DMXL1: variants seen among roughly 807,000 people sequenced by gnomAD.
The protein encoded by DMXL1 is dmX-like protein 1.
A neutral mutation model predicts 319.2 loss-of-function variants in DMXL1; 99 were observed. The ratio of observed to expected loss-of-function variants is 0.31; its 90% confidence interval spans 0.26 to 0.37. DMXL1 has a LOEUF of 0.37. Among genes scored for constraint, DMXL1 ranks in the 10% least tolerant of loss-of-function variants. DMXL1 has a pLI of 1.00. For synonymous variants in DMXL1, 1,385 were observed against 1,235.2 expected (o/e 1.12, Z -2.54); for missense variants, 3,745 against 3,595.6 (o/e 1.04, Z -1.06).
At chr5:119,106,176 C>T (rs192472096) in intron 4 of DMXL1, among the ~76,000 whole-genome samples, 4 of 152,300 alleles carry the variant, frequency 2.6e-5, no homozygotes, top group Non-Finnish European at 5.9e-5. Context: ...TTGTTCTCCT[C>T]CACATGGCCT....
chr5:119,108,058 T>A (rs898280329), intron 4 of DMXL1, among the ~76,000 whole-genome samples: 5 of 152,198 alleles, frequency 3.3e-5, no homozygotes, highest in African/African-American at 1.2e-4. Flanking sequence ...AGATCCACTT[T>A]CCTTTTGAAA....
intron 19 of DMXL1, 115 bp from the exon 20 acceptor site, chr5:119,164,392 C>T (rs574270030): frequency 2.2e-6 from 2 of 919,280 alleles, no homozygotes; most frequent in African/African-American, 3.3e-5. Flanking sequence ...CAATCTTAAA[C>T]TGTGAGTCTC....
chr5:119,125,264 C>T (rs1339899669), intron 9 of DMXL1, among the ~76,000 whole-genome samples: 1 of 151,984 alleles, frequency 6.6e-6, no homozygotes, highest in Non-Finnish European at 1.5e-5. Context: ...TTTTTCTCTT[C>T]TAGTGAATTA....
intron 35 of DMXL1, among the ~76,000 whole-genome samples, chr5:119,219,637 A>G (rs1275559065): frequency 1.3e-4 from 19 of 151,990 alleles, no homozygotes. Flanking sequence ...GTGCAATGTC[A>G]GCTCACTGCA....
In DMXL1 at chr5:119,231,766, T is replaced by C. The variant is rs141779161; in HGVS notation, c.8339-1574T>C. 2.9e-3 allele frequency among the ~76,000 whole-genome samples: 445 copies of C among 152,270 alleles called. 2 individuals are homozygous for C. The highest frequency in any genetic ancestry group is 0.01 in the African/African-American group (424 of 41,544). The stretch of plus-strand genomic sequence containing the variant: ...GAAGCACAACAAAGACAGTATTTGA[T>C]TGGTTAAGTGGAAAGTCCTCAGTTA... On this transcript the variant is annotated intron_variant, in intron 38 of 43. Coordinates refer to ENST00000539542, the MANE Select transcript of DMXL1 (RefSeq NM_001290321.3).
In DMXL1 at chr5:119,175,306, T is replaced by G; in HGVS notation, c.6727T>G (p.Tyr2243Asp). 2 of 1,612,022 alleles carry G rather than the reference T, an allele frequency of 1.2e-6. No homozygotes were observed. The highest frequency in any genetic ancestry group is 2.2e-5 in the South Asian group (2 of 90,986). ...TLAASLSACI[Y>D]QCLCGSHNYS... The stretch of plus-strand genomic sequence containing the variant: ...AGCAGCTTCACTTTCTGCTTGTATT[T>G]ATCAGTGCCTTTGTGGTAGTCATAA... The change falls in exon 26 of 44, where the codon TAT becomes GAT. Residue 2243 changes from tyrosine (Y) to aspartate (D), a missense_variant. Physicochemically the swap from Tyr to Asp is radical, Grantham distance 160. Around this residue, in one of 4 missense-constraint regions of DMXL1, gnomAD observed 1,382 missense variants for 1,269.5 expected, o/e 1.09. Coordinates refer to ENST00000539542, the MANE Select transcript of DMXL1 (RefSeq NM_001290321.3).
chr5:119,153,537 C>T (rs1475970586), intron 19 of DMXL1, among the ~76,000 whole-genome samples: 5 of 152,184 alleles, frequency 3.3e-5, no homozygotes, highest in African/African-American at 9.7e-5. Context: ...TGTATTCCTC[C>T]TAACTGAAAC....
chr5:119,075,869 A>G (rs1181373308), intron 1 of DMXL1, among the ~76,000 whole-genome samples: 1 of 152,136 alleles, frequency 6.6e-6, no homozygotes, highest in Non-Finnish European at 1.5e-5. Context: ...CCACCCTGCA[A>G]TTTTTGCTTT....
intron 37 of DMXL1, 131 bp downstream of exon 37, chr5:119,221,212 T>C (rs1334814273): frequency 8.4e-6 from 5 of 597,836 alleles, no homozygotes; most frequent in Non-Finnish European, 1.4e-5. Context: ...TGTTGGAAAT[T>C]GTAAATTTTG....
intron 19 of DMXL1, among the ~76,000 whole-genome samples, chr5:119,156,409 T>A (rs2150177153): frequency 6.6e-6 from 1 of 152,336 alleles, no homozygotes; most frequent in Non-Finnish European, 1.5e-5. Context: ...TTTATTGCAA[T>A]ATTTGCTTTA....
chr5:119,072,762 CAAAT>C (rs1001309615), intron 1 of DMXL1, among the ~76,000 whole-genome samples: 3 of 152,072 alleles, frequency 2.0e-5, no homozygotes, highest in African/African-American at 4.8e-5. Flanking sequence ...ATTTTGTTTT[CAAAT>C]AGAGACTGTA....
chr5:119,181,064 T>A (rs576803832), intron 28 of DMXL1, among the ~76,000 whole-genome samples: 2 of 152,258 alleles, frequency 1.3e-5, no homozygotes, highest in Admixed American at 6.5e-5. Flanking sequence ...ATAAGGTTGG[T>A]GCAAAAGCAA....
rs1777424473 is a variant in DMXL1 at position 119,184,893 on chromosome 5, C to T, written c.7136-4815C>T. ...AAGTTTGTTGAGTTTGGGTTGAAAT[C>T]TTATATACAGAACCGTGTTGTGGCA... On this transcript the variant is annotated intron_variant, in intron 28 of 43. Transcript: ENST00000539542. Among the ~76,000 whole-genome samples, 3 of 152,034 alleles carry T rather than the reference C, an allele frequency of 2.0e-5. No individual in the cohort carries two copies. In the South Asian group the frequency reaches 6.2e-4, roughly 32 times the overall value.
chr5:119,096,782 A>G (rs891018353), intron 1 of DMXL1, among the ~76,000 whole-genome samples: 1 of 152,220 alleles, frequency 6.6e-6, no homozygotes, highest in African/African-American at 2.4e-5. Flanking sequence ...GTCTTGAGCT[A>G]TGTATACTTT....
At chr5:119,117,269 G>C (rs111393116) in intron 7 of DMXL1, among the ~76,000 whole-genome samples, 6 of 152,040 alleles carry the variant, frequency 3.9e-5, no homozygotes, top group African/African-American at 1.4e-4. Context: ...TTGAACTCCT[G>C]AGCTCAGGCG....
chr5:119,216,223 ATTCTT>A (rs1265576749), intron 34 of DMXL1, among the ~76,000 whole-genome samples: 1 of 149,926 alleles, frequency 6.7e-6, no homozygotes, highest in African/African-American at 2.4e-5. Context: ...TTTATATAGT[ATTCTT>A]TTCTAAGTCC....
rs750036547 is a variant in DMXL1, at chr5:119,165,221, A to G, written c.4911A>G (p.Leu1637=). ...CCTTTTATAGAAAGAATGATCCTTT[A>G]GATGCTGCCATTTTTTACCTTGCAA... The part of the protein sequence containing the change: ...KAAFYRKNDP[L]DAAIFYLAMK... The change falls in exon 21 of 44, where the codon TTA becomes TTG. Residue 1637 remains leucine (L), a synonymous_variant. Transcript: ENST00000539542. The G allele has an allele frequency of 5.7e-5, 92 of 1,605,782 alleles. No individual in the cohort carries two copies. Among genetic ancestry groups the G allele is most frequent in the Non-Finnish European group, 7.2e-5 (85 of 1,176,858 alleles).
chr5:119,121,100 T>C lies in DMXL1; in HGVS notation c.1063T>C (p.Cys355Arg). 1 of 1,608,722 alleles carries C rather than the reference T, an allele frequency of 6.2e-7. No individual in the cohort carries two copies. The highest frequency in any genetic ancestry group is 2.2e-5 in the East Asian group (1 of 44,722). Residue 355 changes from cysteine (C) to arginine (R), a missense_variant, in exon 9 of 44, where the codon TGC (cysteine) becomes CGC (arginine). This residue lies in a region of DMXL1 where 2,096 missense variants were observed against 1,985.4 expected (regional missense o/e 1.06). Coordinates refer to ENST00000539542, the MANE Select transcript of DMXL1 (RefSeq NM_001290321.3). ...RNTPLHANAL[C>R]HFHIAASINP... is the part of the protein sequence containing the mutation. ...CACTCCACTGCATGCCAATGCACTTTGCCACTTTCATATTGCAGCCAGCAT... is the reference window on the plus strand; with the variant it reads ...CACTCCACTGCATGCCAATGCACTTCGCCACTTTCATATTGCAGCCAGCAT...
intron 19 of DMXL1, among the ~76,000 whole-genome samples, chr5:119,158,901 G>T (rs1160134412): frequency 6.6e-6 from 1 of 151,962 alleles, no homozygotes; most frequent in Non-Finnish European, 1.5e-5. Context: ...TTTGTGGGGG[G>T]TTTTACATTT....
Sources: gnomAD v4.1 joint callset for allele counts (sites outside exome capture counted in the v4.1 genomes callset) on GRCh38, gnomAD v4.1.1 for gene constraint, gnomAD v4.1.1 regional missense constraint, MANE v1.5 for transcripts, NCBI Gene and HGNC (gene_info 2026-07-23, HGNC 2026-07-21) for gene names.